The following NXPH1 variants were observed in gnomAD, a reference collection of about 807,000 sequenced individuals.
The protein encoded by NXPH1 is neurexophilin-1.
A neutral mutation model predicts 23.7 loss-of-function variants in NXPH1; 5 were observed. The ratio of observed to expected loss-of-function variants is 0.21; its 90% confidence interval spans 0.11 to 0.44. The LOEUF (loss-of-function observed/expected upper bound fraction) is 0.44. Among genes scored for constraint, NXPH1 ranks in the 20% least tolerant of loss-of-function variants. NXPH1 has a pLI of 0.99. For synonymous variants in NXPH1, 144 were observed against 122.2 expected (o/e 1.18, Z -1.18); for missense variants, 324 against 321.6 (o/e 1.01, Z -0.06).
rs6969686 is a variant in NXPH1, at chr7:8,635,377, T to C, written c.55-115631T>C. 7.4e-3 allele frequency among the ~76,000 whole-genome samples: 1,132 copies of C among 152,336 alleles called. 9 individuals are homozygous for C. The highest frequency in any genetic ancestry group is 0.026 in the African/African-American group (1,083 of 41,570). On this transcript the variant is annotated intron_variant, in intron 2 of 2. Transcript: ENST00000405863. Reference sequence around the variant, plus strand: ...GAACTCAAAAGAACTTCAGAGTTTCTTTCAAGTTTCTTTTCCTACCTTTCT... The same window carrying C: ...GAACTCAAAAGAACTTCAGAGTTTCCTTCAAGTTTCTTTTCCTACCTTTCT...
At chr7:8,500,420 C>T (rs1054881708) in intron 2 of NXPH1, among the ~76,000 whole-genome samples, 3 of 152,044 alleles carry the variant, frequency 2.0e-5, no homozygotes, top group Non-Finnish European at 4.4e-5. Flanking sequence ...AGTTTGAATT[C>T]GAGCGTGGCA....
At chr7:8,697,442 A>G (rs1021262598) in intron 2 of NXPH1, among the ~76,000 whole-genome samples, 5 of 152,198 alleles carry the variant, frequency 3.3e-5, no homozygotes, top group Non-Finnish European at 2.9e-5. Context: ...AGACTGCAAT[A>G]GTAGCCATGG....
At chr7:8,540,816 A>G (rs561136589) in intron 2 of NXPH1, among the ~76,000 whole-genome samples, 5 of 151,838 alleles carry the variant, frequency 3.3e-5, no homozygotes, top group South Asian at 2.1e-4. Flanking sequence ...TGAAAACCTC[A>G]TGATTCATGG....
At chr7:8,743,935 CG>C (rs1283253342) in intron 2 of NXPH1, among the ~76,000 whole-genome samples, 1 of 152,120 alleles carries the variant, frequency 6.6e-6, no homozygotes, top group Non-Finnish European at 1.5e-5. Context: ...CCGCCCGCCT[CG>C]GCCTCCCAAA....
At chr7:8,657,730 TAAG>T (rs1820604219) in intron 2 of NXPH1, among the ~76,000 whole-genome samples, 1 of 152,192 alleles carries the variant, frequency 6.6e-6, no homozygotes, top group African/African-American at 2.4e-5. Flanking sequence ...ATTGGAATAT[TAAG>T]AAAGCAATAC....
At chr7:8,698,353 ATGT>A (rs1278536018) in intron 2 of NXPH1, among the ~76,000 whole-genome samples, 4 of 152,204 alleles carry the variant, frequency 2.6e-5, no homozygotes, top group African/African-American at 9.7e-5. Context: ...ATTGAAGAAA[ATGT>A]TGTACTTGTT....
chr7:8,582,982 C>T (rs1002382438), intron 2 of NXPH1, among the ~76,000 whole-genome samples: 1 of 152,196 alleles, frequency 6.6e-6, no homozygotes, highest in African/African-American at 2.4e-5. Flanking sequence ...CCTCCCATGC[C>T]TGTTGGCACC....
At chr7:8,453,718 C>T (rs1034992622) in intron 2 of NXPH1, among the ~76,000 whole-genome samples, 1 of 152,064 alleles carries the variant, frequency 6.6e-6, no homozygotes, top group Non-Finnish European at 1.5e-5. Flanking sequence ...TAACGGCTTC[C>T]AGCTCTACCC....
intron 2 of NXPH1, among the ~76,000 whole-genome samples, chr7:8,728,315 T>C (rs922065113): frequency 5.9e-5 from 9 of 152,170 alleles, no homozygotes; most frequent in Admixed American, 2.0e-4. Context: ...CTTTTCCTAA[T>C]TGAATACTCT....
At chr7:8,661,127 C>G (rs1820663577) in intron 2 of NXPH1, among the ~76,000 whole-genome samples, 1 of 152,100 alleles carries the variant, frequency 6.6e-6, no homozygotes, top group Non-Finnish European at 1.5e-5. Context: ...GCAAGAATAA[C>G]TGGGAATATT....
intron 2 of NXPH1, among the ~76,000 whole-genome samples, chr7:8,725,579 A>C (rs564646220): frequency 6.6e-5 from 10 of 152,202 alleles, no homozygotes; most frequent in African/African-American, 2.2e-4. Context: ...GGCATGATTC[A>C]CCAAAAATAT....
chr7:8,701,883 T>C (rs1290020974), intron 2 of NXPH1, among the ~76,000 whole-genome samples: 1 of 152,080 alleles, frequency 6.6e-6, no homozygotes, highest in Non-Finnish European at 1.5e-5. Flanking sequence ...CTCTGAATCT[T>C]TGTGGGTGAT....
rs116095584 is a variant in NXPH1 at position 8,493,535 on chromosome 7, C to A, written c.54+57768C>A. On this transcript the variant is annotated intron_variant, in intron 2 of 2. Coordinates refer to ENST00000405863, the MANE Select transcript of NXPH1 (RefSeq NM_152745.3). ...TGAGAGAACAGCTCAGGCTAATTTA[C>A]CTTGAGCAGAAAACTGGAGAGTAGT... Among the ~76,000 whole-genome samples the A allele has an allele frequency of 2.5e-3, 379 of 152,164 alleles. 4 individuals carry two copies. The highest frequency in any genetic ancestry group is 8.8e-3 in the African/African-American group (366 of 41,532).
At chr7:8,644,610 C>T (rs944627210) in intron 2 of NXPH1, among the ~76,000 whole-genome samples, 2 of 152,002 alleles carry the variant, frequency 1.3e-5, no homozygotes, top group South Asian at 4.1e-4. Context: ...TCAGAAAGAA[C>T]ATTGTGCTCT....
chr7:8,738,445 A>T (rs1432527972), intron 2 of NXPH1, among the ~76,000 whole-genome samples: 2 of 152,170 alleles, frequency 1.3e-5, no homozygotes, highest in African/African-American at 4.8e-5. Context: ...GGGTATCACC[A>T]GAGGAGGCTG....
At chr7:8,522,979 G>A (rs1161430031) in intron 2 of NXPH1, among the ~76,000 whole-genome samples, 1 of 152,200 alleles carries the variant, frequency 6.6e-6, no homozygotes, top group African/African-American at 2.4e-5. Context: ...TATACCAGCT[G>A]TGTAACTTTG....
intron 2 of NXPH1, among the ~76,000 whole-genome samples, chr7:8,491,238 T>C (rs1034691539): frequency 2.6e-5 from 4 of 152,030 alleles, no homozygotes; most frequent in Non-Finnish European, 2.9e-5. Context: ...AATTTATCCC[T>C]ATCCTTGGCT....
chr7:8,631,088 C>T (rs28620259), intron 2 of NXPH1, among the ~76,000 whole-genome samples: 41,599 of 151,750 alleles, frequency 0.27, 6,095 homozygotes, highest in African/African-American at 0.35. Context: ...CATGTATGTC[C>T]CTGCAAAGGA....
intron 2 of NXPH1, among the ~76,000 whole-genome samples, chr7:8,557,486 A>T (rs6952939): frequency 5.3e-5 from 8 of 151,266 alleles, no homozygotes; most frequent in Non-Finnish European, 7.4e-5. Flanking sequence ...AATCCTTTTA[A>T]TCTTGGGTAA....
Sources: gnomAD v4.1 joint callset for allele counts (sites outside exome capture counted in the v4.1 genomes callset) on GRCh38, gnomAD v4.1.1 for gene constraint, MANE v1.5 for transcripts, NCBI Gene and HGNC (gene_info 2026-07-23, HGNC 2026-07-21) for gene names.